CNOT2: variants seen among roughly 807,000 people sequenced by gnomAD.
The protein encoded by CNOT2 is CC chemokine receptor 4-negative regulator of transcription 2.
A neutral mutation model predicts 72.1 loss-of-function variants in CNOT2; 7 were observed. The observed-to-expected ratio is 0.10, with a 90% CI of 0.06 to 0.18. The LOEUF (loss-of-function observed/expected upper bound fraction) is 0.18, where lower values mean the gene tolerates loss of function less well. Among genes scored for constraint, CNOT2 ranks in the 10% least tolerant of loss-of-function variants. The pLI is 1.00. For missense variants in CNOT2, 345 were observed against 660.3 expected, an observed-to-expected ratio of 0.52 and a Z score of 5.23; for synonymous variants, 196 against 225.6, an observed-to-expected ratio of 0.87 and a Z score of 1.17.
At chr12:70,299,032 G>C (rs900256637) in intron 2 of CNOT2, among the ~76,000 whole-genome samples, 1 of 152,068 alleles carries the variant, frequency 6.6e-6, no homozygotes, top group East Asian at 1.9e-4. Context: ...TGCTAACAAA[G>C]ACGTACCCGA....
At chr12:70,353,411 T>C (rs1008595831) in intron 15 of CNOT2, among the ~76,000 whole-genome samples, 70 of 152,258 alleles carry the variant, frequency 4.6e-4, no homozygotes, top group African/African-American at 1.6e-3. Flanking sequence ...TAAAGACAAT[T>C]TGGAAAATTA....
chr12:70,295,391 C>T (rs150185518), intron 2 of CNOT2, among the ~76,000 whole-genome samples: 4 of 152,244 alleles, frequency 2.6e-5, no homozygotes, highest in African/African-American at 9.6e-5. Context: ...ACTGGACGCT[C>T]TATATAAACA....
At chr12:70,292,011 G>A (rs1288182922) in intron 2 of CNOT2, among the ~76,000 whole-genome samples, 2 of 152,136 alleles carry the variant, frequency 1.3e-5, no homozygotes, top group Non-Finnish European at 2.9e-5. Flanking sequence ...TATAAGGAGT[G>A]GACAGAAATG....
chr12:70,306,048 CCA>C (rs1875313190), intron 2 of CNOT2, among the ~76,000 whole-genome samples: 2 of 152,040 alleles, frequency 1.3e-5, no homozygotes, highest in Non-Finnish European at 2.9e-5. Flanking sequence ...TTAAGTGGCT[CCA>C]TTACGTCTTC....
At chr12:70,252,488 A>G (rs1396624159) in intron 1 of CNOT2, among the ~76,000 whole-genome samples, 16 of 152,198 alleles carry the variant, frequency 1.1e-4, no homozygotes. Context: ...CTTTTATTGT[A>G]TGCATTATAT....
intron 1 of CNOT2, among the ~76,000 whole-genome samples, chr12:70,258,069 A>G (rs1168441501): frequency 1.3e-5 from 2 of 152,214 alleles, no homozygotes; most frequent in African/African-American, 4.8e-5. Context: ...TGAAGAAGCA[A>G]TATTTTATAT....
intron 1 of CNOT2, among the ~76,000 whole-genome samples, chr12:70,255,302 G>A (rs895278332): frequency 2.6e-5 from 4 of 151,960 alleles, no homozygotes; most frequent in Non-Finnish European, 5.9e-5. Context: ...TGTGAACATC[G>A]TGTCTGTTTT....
chr12:70,318,106 TG>T (rs1259773520), intron 3 of CNOT2, among the ~76,000 whole-genome samples: 1 of 152,042 alleles, frequency 6.6e-6, no homozygotes, highest in African/African-American at 2.4e-5. Flanking sequence ...GTCTCACTTC[TG>T]CTGTTGTCGT....
At chr12:70,276,833 A>G (rs928149645) in intron 1 of CNOT2, among the ~76,000 whole-genome samples, 7 of 152,066 alleles carry the variant, frequency 4.6e-5, no homozygotes, top group African/African-American at 1.7e-4. Flanking sequence ...ACACTGTAAG[A>G]TAGTCAGACT....
At chr12:70,281,941 T>C (rs988182570) in intron 2 of CNOT2, among the ~76,000 whole-genome samples, 1 of 128,628 alleles carries the variant, frequency 7.8e-6, no homozygotes, top group African/African-American at 2.7e-5. Context: ...ATGGCTACTG[T>C]ATTGAACAGT....
intron 3 of CNOT2, among the ~76,000 whole-genome samples, chr12:70,312,937 A>G (rs2135962485): frequency 6.6e-6 from 1 of 152,166 alleles, no homozygotes; most frequent in Non-Finnish European, 1.5e-5. Context: ...TTCTAATTTT[A>G]TGCTTTAAAT....
intron 13 of CNOT2, among the ~76,000 whole-genome samples, chr12:70,342,644 G>T (rs994622438): frequency 1.3e-5 from 2 of 151,910 alleles, no homozygotes; most frequent in East Asian, 1.9e-4. Context: ...TTAATGAGAT[G>T]GTCTGTATCT....
At chr12:70,325,645 A>G (rs956240332) in intron 4 of CNOT2, among the ~76,000 whole-genome samples, 2 of 151,866 alleles carry the variant, frequency 1.3e-5, no homozygotes, top group African/African-American at 2.4e-5. Flanking sequence ...TGCATAAGGA[A>G]ATAATTTTAC....
chr12:70,353,772 T>C lies in CNOT2; in HGVS notation c.1537-57T>C, dbSNP rs1883161316. On this transcript the variant is annotated intron_variant, in intron 15 of 15. Coordinates refer to ENST00000229195, the MANE Select transcript of CNOT2 (RefSeq NM_014515.7). ...TTTATTTTTATAGTAAAATGTATTT[T>C]GACAAATGTAAAATGAAAAGGGGAA... The C allele has an allele frequency of 7.5e-6, 12 of 1,593,026 alleles. No individual in the cohort carries two copies. In the Admixed American group the frequency reaches 9.4e-5, roughly 13 times the overall value.
At chr12:70,319,273 T>C in intron 3 of CNOT2, 25 bp from the exon 4 acceptor site, 1 of 1,603,268 alleles carries the variant, frequency 6.2e-7, no homozygotes, top group Non-Finnish European at 8.5e-7. Context: ...TTCTTTATGC[T>C]CTAATATAAT....
chr12:70,346,094 TCCGGAGG>T, intron 14 of CNOT2, 79 bp from the exon 15 acceptor site: 1 of 843,696 alleles, frequency 1.2e-6, no homozygotes, highest in Non-Finnish European at 1.9e-6. Flanking sequence ...ATTTTTTTTT[TCCGGAGG>T]AAAGCTTTAC....
chr12:70,318,276 G>C (rs1877690015), intron 3 of CNOT2, among the ~76,000 whole-genome samples: 1 of 151,872 alleles, frequency 6.6e-6, no homozygotes, highest in African/African-American at 2.4e-5. Context: ...GCCATAACAT[G>C]GGTGAGCTTT....
intron 13 of CNOT2, among the ~76,000 whole-genome samples, chr12:70,343,581 T>C (rs537773665): frequency 6.6e-6 from 1 of 152,228 alleles, no homozygotes; most frequent in Non-Finnish European, 1.5e-5. Flanking sequence ...CTGTCAGATA[T>C]AGATTCAGTT....
rs955172410 is a variant in CNOT2 at position 70,287,350 on chromosome 12, A to C, written c.48+9076A>C. On this transcript the variant is annotated intron_variant, in intron 2 of 15. Transcript: ENST00000229195. ...TAGCCTTTATTTATTTCTAAAATTT[A>C]ATTTTGTTTTCTATTCATCAGTGTT... is the stretch of plus-strand genomic sequence containing the variant. Among the ~76,000 whole-genome samples, 22 of 149,640 alleles carry C rather than the reference A, an allele frequency of 1.5e-4. 1 individual carries two copies. Among genetic ancestry groups the C allele is most frequent in the African/African-American group, 5.1e-4 (21 of 41,264 alleles).
Sources: allele counts gnomAD v4.1 joint callset (sites outside exome capture counted in the v4.1 genomes callset), GRCh38; gene constraint gnomAD v4.1.1; transcripts MANE v1.5; gene names NCBI Gene and HGNC (gene_info 2026-07-23, HGNC 2026-07-21).